The following MAPKAPK5 variants were observed in gnomAD, a reference collection of about 807,000 sequenced individuals.
The protein encoded by MAPKAPK5 is MAP kinase-activated protein kinase 5.
A neutral mutation model predicts 65.1 loss-of-function variants in MAPKAPK5; 30 were observed. That is an observed-to-expected ratio of 0.46 (90% CI 0.34 to 0.63). The LOEUF is 0.63. MAPKAPK5 is among the 20% of genes least tolerant of loss of function. MAPKAPK5 has a pLI of 0.01. For missense variants in MAPKAPK5, 433 were observed against 581.4 expected (o/e 0.74, Z 2.63); for synonymous variants, 179 against 204.6 (o/e 0.87, Z 1.07).
chr12:111,881,164 C>T (rs541940926), intron 8 of MAPKAPK5, among the ~76,000 whole-genome samples: 2 of 152,078 alleles, frequency 1.3e-5, no homozygotes, highest in East Asian at 3.9e-4. Flanking sequence ...ACCTCCACCT[C>T]CTGTGCTCAA....
At chr12:111,888,418 A>G in intron 10 of MAPKAPK5, 70 bp from the exon 11 acceptor site, 2 of 1,574,024 alleles carry the variant, frequency 1.3e-6, no homozygotes, top group South Asian at 1.2e-5. Flanking sequence ...TTTCCTTTCC[A>G]CTTTCTTAGA....
At chr12:111,847,413 G>T (rs77599516) in intron 1 of MAPKAPK5, among the ~76,000 whole-genome samples, 1 of 151,342 alleles carries the variant, frequency 6.6e-6, no homozygotes, top group East Asian at 1.9e-4. Context: ...TCTATTCCCT[G>T]TATCTTCTAT....
At chr12:111,860,256 C>G (rs150793219) in intron 1 of MAPKAPK5, among the ~76,000 whole-genome samples, 1 of 152,230 alleles carries the variant, frequency 6.6e-6, no homozygotes, top group East Asian at 1.9e-4. Flanking sequence ...AGCTATACCC[C>G]CCTGATCAAT....
chr12:111,885,862 A>G (rs746754549), intron 9 of MAPKAPK5, 54 bp from the exon 10 acceptor site: 89 of 1,611,754 alleles, frequency 5.5e-5, no homozygotes, highest in Non-Finnish European at 7.1e-5. Flanking sequence ...GGAACTTCCT[A>G]TGGCCTTTTG....
At position 111,899,564 on chromosome 12, in the gene MAPKAPK5, G is replaced by GTTAC. The variant is rs1250371312; in HGVS notation, c.*6507_*6510dup. The GTTAC allele has an allele frequency of 4.2e-6, 1 of 236,962 alleles. No individual in the cohort carries two copies. Among genetic ancestry groups the GTTAC allele is most frequent in the Non-Finnish European group, 8.5e-6 (1 of 117,274 alleles). The allele number at this position is 236,962 out of a possible 1,614,324, so 14.7% of individuals were successfully genotyped here. ...GCCCAGTGGAAGGACTGTCCTACTT[G>GTTAC]TTACTTATGCAAGGCCAGAAGCACC... On this transcript the variant is annotated 3_prime_UTR_variant, in exon 14 of 14. Coordinates refer to ENST00000550735, the MANE Select transcript of MAPKAPK5 (RefSeq NM_003668.4).
At position 111,896,609 on chromosome 12, in the gene MAPKAPK5, G is replaced by A. The variant is rs1320428962; in HGVS notation, c.*3548G>A. ...TGGCCTAACAAACACCTATACCTGT[G>A]GAAACATAACACTGTAAATATAATT... On this transcript the variant is annotated 3_prime_UTR_variant, in exon 14 of 14. Transcript: ENST00000550735. 1 of 152,118 alleles carries A rather than the reference G, an allele frequency of 6.6e-6. No homozygotes were observed. Among genetic ancestry groups the A allele is most frequent in the Non-Finnish European group, 1.5e-5 (1 of 68,028 alleles). The allele number at this position is 152,118 out of a possible 1,614,324, so 9.4% of individuals were successfully genotyped here.
intron 1 of MAPKAPK5, among the ~76,000 whole-genome samples, chr12:111,851,892 T>C (rs2069096056): frequency 6.6e-6 from 1 of 151,990 alleles, no homozygotes; most frequent in Admixed American, 6.6e-5. Context: ...GCAAAAAAGG[T>C]GAAGGGTGAA....
At chr12:111,874,534 C>T (rs1593162552) in intron 7 of MAPKAPK5, among the ~76,000 whole-genome samples, 2 of 145,532 alleles carry the variant, frequency 1.4e-5, no homozygotes, top group African/African-American at 5.1e-5. Flanking sequence ...TGCAGTGGCG[C>T]AATCTCAGCT....
At chr12:111,885,296 A>G (rs1424226583) in intron 9 of MAPKAPK5, 1 of 152,388 alleles carries the variant, frequency 6.6e-6, no homozygotes, top group African/African-American at 2.4e-5. Context: ...GAACCACATC[A>G]GTGGGAATGA....
intron 9 of MAPKAPK5, 178 bp from the exon 10 acceptor site, chr12:111,885,738 A>G: frequency 1.5e-6 from 1 of 653,728 alleles, no homozygotes; most frequent in South Asian, 2.2e-5. Flanking sequence ...GACTGCCTCA[A>G]GCCATAGTAC....
At chr12:111,854,010 C>T (rs2069163367) in intron 1 of MAPKAPK5, among the ~76,000 whole-genome samples, 1 of 152,136 alleles carries the variant, frequency 6.6e-6, no homozygotes, top group Admixed American at 6.6e-5. Context: ...CACTCAGACC[C>T]ACTTAGTCTG....
At chr12:111,884,255 G>T (rs2070333453) in intron 9 of MAPKAPK5, among the ~76,000 whole-genome samples, 1 of 152,192 alleles carries the variant, frequency 6.6e-6, no homozygotes, top group African/African-American at 2.4e-5. Context: ...CTGTTGCCCA[G>T]GGTGGAGTGC....
intron 1 of MAPKAPK5, chr12:111,843,026 G>A: frequency 2.5e-6 from 1 of 399,596 alleles, no homozygotes; most frequent in Admixed American, 4.4e-5. Context: ...GAGTGGCCTG[G>A]AGACACTATT....
intron 1 of MAPKAPK5, among the ~76,000 whole-genome samples, chr12:111,853,387 G>A (rs2069144551): frequency 6.6e-6 from 1 of 151,640 alleles, no homozygotes; most frequent in Admixed American, 6.6e-5. Context: ...AAAAAAGAAT[G>A]GAATTGTTTT....
chr12:111,892,684 T>A (rs1253499603), intron 13 of MAPKAPK5, among the ~76,000 whole-genome samples: 1 of 152,210 alleles, frequency 6.6e-6, no homozygotes, highest in Non-Finnish European at 1.5e-5. Context: ...ATATTCTGGA[T>A]ATGAGTCTTT....
At chr12:111,849,801 T>C (rs2069016507) in intron 1 of MAPKAPK5, among the ~76,000 whole-genome samples, 1 of 151,748 alleles carries the variant, frequency 6.6e-6, no homozygotes, top group Non-Finnish European at 1.5e-5. Context: ...GCTGCAGCCA[T>C]GTCCTTCTAG....
intron 1 of MAPKAPK5, among the ~76,000 whole-genome samples, chr12:111,857,505 T>C (rs1203360384): frequency 6.6e-6 from 1 of 152,104 alleles, no homozygotes; most frequent in African/African-American, 2.4e-5. Context: ...CCTCCCATCT[T>C]GGCCTACCAA....
At chr12:111,882,958 G>A (rs574392233) in intron 8 of MAPKAPK5, 3 of 470,516 alleles carry the variant, frequency 6.4e-6, no homozygotes, top group African/African-American at 2.1e-5. Flanking sequence ...TCCTATACCT[G>A]TACACAGGGA....
chr12:111,889,881 C>A, intron 12 of MAPKAPK5, 159 bp from the exon 13 acceptor site: 1 of 595,272 alleles, frequency 1.7e-6, no homozygotes. Flanking sequence ...ATGCGGTCTA[C>A]ATAATGTAGG....
Sources: allele counts gnomAD v4.1 joint callset (sites outside exome capture counted in the v4.1 genomes callset), GRCh38; gene constraint gnomAD v4.1.1; transcripts MANE v1.5; gene names NCBI Gene and HGNC (gene_info 2026-07-23, HGNC 2026-07-21).